The following ODF2 variants were observed in gnomAD, a reference collection of about 807,000 sequenced individuals.
ODF2 encodes the protein outer dense fiber of sperm tails 2.
Under a neutral mutation model 110.2 loss-of-function variants are expected in ODF2, and 47 were observed. The ratio of observed to expected loss-of-function variants is 0.43; its 90% CI spans 0.34 to 0.54. The LOEUF (loss-of-function observed/expected upper bound fraction) is 0.54. ODF2 is among the 20% of genes least tolerant of loss of function. The probability of loss-of-function intolerance (pLI) is 0.03; values close to 1 mark genes in which losing one functional copy is unlikely to be tolerated. For missense variants in ODF2, 812 were observed against 1,054.5 expected, an observed-to-expected ratio of 0.77 and a Z score of 3.19; for synonymous variants, 352 against 397.7, an observed-to-expected ratio of 0.89 and a Z score of 1.37.
intron 11 of ODF2, 21 bp from the exon 12 acceptor site, chr9:128,484,680 C>G (rs1393995689): frequency 9.0e-6 from 14 of 1,552,368 alleles, no homozygotes; most frequent in Admixed American, 3.9e-5. Context: ...CCCTCTCTTT[C>G]TCACCCCTTC....
chr9:128,468,530 A>AT lies in ODF2; in HGVS notation c.250-642dup, dbSNP rs1001063148. 4.4e-3 allele frequency among the ~76,000 whole-genome samples: 640 copies of AT among 146,062 alleles called. 3 individuals carry two copies. Among genetic ancestry groups the AT allele is most frequent in the Admixed American group, 0.016 (234 of 14,604 alleles). ...AGGCATGTGCCACTACACCCACCTG[A>AT]TTTTTTTTTTTAGAAGGAGTTTCGT... On this transcript the variant is annotated intron_variant, in intron 4 of 20. Transcript: ENST00000604420.
chr9:128,475,515 A>G (rs970603918), intron 8 of ODF2, among the ~76,000 whole-genome samples: 1 of 152,246 alleles, frequency 6.6e-6, no homozygotes, highest in East Asian at 1.9e-4. Flanking sequence ...TATACACATC[A>G]GTAACTATAG....
In ODF2 at chr9:128,484,790, CAA is replaced by C; in HGVS notation, c.1196_1197del (p.Lys399ArgfsTer22). ...AGTTGAAGCAGAAGGGAGACCGAGA[CAA>C]AGAGAGCTTGAAGAAGGCCATCCGA... On this transcript the variant is annotated frameshift_variant, in exon 12 of 21. Coordinates refer to ENST00000604420, the Ensembl canonical transcript of ODF2. LOFTEE classifies it high-confidence loss of function. 1 of 1,613,264 alleles carries C rather than the reference CAA, an allele frequency of 6.2e-7. No homozygotes were observed. Among genetic ancestry groups the C allele is most frequent in the Non-Finnish European group, 8.5e-7 (1 of 1,179,670 alleles).
At chr9:128,486,668 G>A (rs1017831050) in intron 13 of ODF2, among the ~76,000 whole-genome samples, 26 of 152,350 alleles carry the variant, frequency 1.7e-4, no homozygotes, top group Middle Eastern at 6.8e-3. Context: ...TGAGGCAGCA[G>A]CAGGGAGCAG....
chr9:128,467,370 A>G (rs1377217454), intron 4 of ODF2, among the ~76,000 whole-genome samples: 3 of 152,046 alleles, frequency 2.0e-5, no homozygotes, highest in African/African-American at 7.2e-5. Context: ...GCTGACTGAA[A>G]TGTTACGTGG....
intron 2 of ODF2, among the ~76,000 whole-genome samples, chr9:128,458,481 A>C (rs937942961): frequency 6.8e-6 from 1 of 146,782 alleles, no homozygotes; most frequent in Non-Finnish European, 1.5e-5. Flanking sequence ...AAAAAAAAAA[A>C]GGCCAGGAGA....
intron 4 of ODF2, among the ~76,000 whole-genome samples, chr9:128,462,054 A>T (rs112185472): frequency 2.0e-5 from 3 of 152,254 alleles, no homozygotes; most frequent in African/African-American, 7.2e-5. Context: ...TATTTTTTTT[A>T]AAACAAAAAC....
chr9:128,455,362 C>G, upstream of ODF2: 1 of 636,108 alleles, frequency 1.6e-6, no homozygotes, highest in Non-Finnish European at 2.5e-6. Flanking sequence ...CTATCCTGCC[C>G]AACACGGTGA....
At chr9:128,456,721 C>T in intron 1 of ODF2, 1 of 1,363,664 alleles carries the variant, frequency 7.3e-7, no homozygotes, top group Admixed American at 3.7e-5. Flanking sequence ...CGCTGTCCCC[C>T]GGGCACCGTC....
At chr9:128,492,436 C>T (rs1048437925) in exon 15 of ODF2, 12 of 1,613,590 alleles carry the variant, frequency 7.4e-6, no homozygotes, top group Non-Finnish European at 1.0e-5. Context: ...GCCAGCTTTG[C>T]TCCAATGGAG....
At chr9:128,469,963 G>T (rs185033764) in intron 5 of ODF2, among the ~76,000 whole-genome samples, 6 of 102,740 alleles carry the variant, frequency 5.8e-5, no homozygotes, top group African/African-American at 2.3e-4. Context: ...TAGCCTGGGC[G>T]ACAGAGAGAG....
chr9:128,489,070 C>T (rs565145439), intron 14 of ODF2, among the ~76,000 whole-genome samples: 1 of 152,254 alleles, frequency 6.6e-6, no homozygotes, highest in South Asian at 2.1e-4. Context: ...AGTGTCTTGC[C>T]AAGATTTTGC....
chr9:128,492,638 G>C (rs1844829637), intron 15 of ODF2, 63 bp from the exon 16 acceptor site: 1 of 1,564,618 alleles, frequency 6.4e-7, no homozygotes, highest in Admixed American at 1.7e-5. Context: ...GTTGGGTATG[G>C]AAGATGGTTT....
chr9:128,465,288 A>G (rs1452650340), intron 4 of ODF2, among the ~76,000 whole-genome samples: 1 of 152,174 alleles, frequency 6.6e-6, no homozygotes, highest in African/African-American at 2.4e-5. Context: ...CATGGACGGA[A>G]GGGGAACAGC....
chr9:128,466,933 C>T (rs1588765630), intron 4 of ODF2, among the ~76,000 whole-genome samples: 1 of 124,598 alleles, frequency 8.0e-6, no homozygotes, highest in African/African-American at 3.0e-5. Flanking sequence ...GCCGAGATTG[C>T]ACCACTGCAC....
intron 6 of ODF2, among the ~76,000 whole-genome samples, chr9:128,471,832 A>G (rs1047118781): frequency 2.6e-5 from 4 of 152,082 alleles, no homozygotes; most frequent in Non-Finnish European, 4.4e-5. Flanking sequence ...CCAAGGTGGG[A>G]AAGTGTTTGT....
At chr9:128,458,611 T>C (rs1389468778) in intron 2 of ODF2, among the ~76,000 whole-genome samples, 1 of 151,364 alleles carries the variant, frequency 6.6e-6, no homozygotes, top group African/African-American at 2.4e-5. Flanking sequence ...TTTGGCTGTC[T>C]TTGCAGATCT....
intron 4 of ODF2, among the ~76,000 whole-genome samples, chr9:128,468,722 G>A (rs890898811): frequency 2.0e-5 from 3 of 152,036 alleles, no homozygotes; most frequent in African/African-American, 4.8e-5. Context: ...GGGTTTCACC[G>A]TGTTGGTCAG....
At chr9:128,499,486 G>A (rs1280707901) in intron 20 of ODF2, among the ~76,000 whole-genome samples, 1 of 152,068 alleles carries the variant, frequency 6.6e-6, no homozygotes, top group Non-Finnish European at 1.5e-5. Flanking sequence ...GTAGAGATGG[G>A]GTTTCGCCAT....
Sources: allele counts gnomAD v4.1 joint callset (sites outside exome capture counted in the v4.1 genomes callset), GRCh38; gene constraint gnomAD v4.1.1; transcripts MANE v1.5; gene names NCBI Gene and HGNC (gene_info 2026-07-23, HGNC 2026-07-21).